The following RBM25 variants were observed in gnomAD, a reference collection of about 807,000 sequenced individuals.
RBM25 encodes the protein RNA binding motif protein 25.
Under a neutral mutation model 120.7 loss-of-function variants are expected in RBM25, and 19 were observed. The ratio of observed to expected loss-of-function variants is 0.16; its 90% CI spans 0.11 to 0.23. The LOEUF (loss-of-function observed/expected upper bound fraction) is 0.23, where lower values mean the gene tolerates loss of function less well. Among genes scored for constraint, RBM25 ranks in the 10% least tolerant of loss-of-function variants. The pLI, the probability that RBM25 is intolerant of heterozygous loss-of-function variation, is 1.00. For synonymous variants in RBM25, 390 were observed against 326.7 expected (o/e 1.19, Z -2.09); for missense variants, 605 against 1,041.5 (o/e 0.58, Z 5.77).
intron 6 of RBM25, 75 bp downstream of exon 6, chr14:73,088,236 A>G (rs1895734688): frequency 1.3e-6 from 2 of 1,543,930 alleles, no homozygotes; most frequent in Admixed American, 3.4e-5. Context: ...TTATAAATGA[A>G]TCTAATATGG....
In RBM25 at chr14:73,121,380, A is replaced by G. The variant is rs974560066; in HGVS notation, c.*1575A>G. On this transcript the variant is annotated 3_prime_UTR_variant, in exon 19 of 19. Coordinates refer to ENST00000261973, the MANE Select transcript of RBM25 (RefSeq NM_021239.3). ...GCATCATGTTGTAATTGTGTGGTGC[A>G]TACTAGAAAAGTTAAAAATATGGGC... 1.3e-5 allele frequency: 2 copies of G among 152,604 alleles called. No individual in the cohort carries two copies. Among genetic ancestry groups the G allele is most frequent in the Non-Finnish European group, 2.9e-5 (2 of 68,020 alleles). 9.5% of individuals were successfully genotyped at this position (152,604 alleles called of 1,614,324 possible).
chr14:73,103,083 T>C, intron 9 of RBM25, 109 bp from the exon 10 acceptor site: 2 of 1,515,354 alleles, frequency 1.3e-6, no homozygotes, highest in African/African-American at 1.4e-5. Context: ...TTAATATTAA[T>C]GTATCAGTGG....
intron 1 of RBM25, among the ~76,000 whole-genome samples, chr14:73,064,539 C>T (rs1347184645): frequency 3.3e-5 from 5 of 150,682 alleles, no homozygotes; most frequent in African/African-American, 1.2e-4. Context: ...GGACTACGGG[C>T]GCCTACCACC....
chr14:73,101,152 C>T (rs1896047687), intron 9 of RBM25: 1 of 151,894 alleles, frequency 6.6e-6, no homozygotes, highest in South Asian at 2.1e-4. Context: ...AATGTCTTTT[C>T]AAAATAAAAA....
intron 4 of RBM25, among the ~76,000 whole-genome samples, chr14:73,078,583 T>C (rs889814957): frequency 6.6e-6 from 1 of 152,222 alleles, no homozygotes; most frequent in Non-Finnish European, 1.5e-5. Context: ...ATAGTTGTTT[T>C]ATTTTTCATC....
intron 2 of RBM25, among the ~76,000 whole-genome samples, chr14:73,072,674 G>T: frequency 6.6e-6 from 1 of 152,182 alleles, no homozygotes; most frequent in Non-Finnish European, 1.5e-5. Context: ...CTTATGCTGG[G>T]TGTGGTGGTG....
chr14:73,111,355 A>G, intron 15 of RBM25, 173 bp from the exon 16 acceptor site: 2 of 871,266 alleles, frequency 2.3e-6, no homozygotes, highest in Non-Finnish European at 3.4e-6. Context: ...TTCTGAGAAG[A>G]AGTGAAAAGT....
intron 9 of RBM25, chr14:73,100,053 A>T (rs1896027427): frequency 2.2e-6 from 1 of 464,688 alleles, no homozygotes; most frequent in Non-Finnish European, 3.7e-6. Context: ...AATTAGATTC[A>T]GGGGGCAGCA....
At chr14:73,080,550 T>C (rs1895536757) in intron 4 of RBM25, among the ~76,000 whole-genome samples, 1 of 151,942 alleles carries the variant, frequency 6.6e-6, no homozygotes, top group Non-Finnish European at 1.5e-5. Context: ...TAACAATTGG[T>C]GTTTATTTAG....
At chr14:73,114,666 C>T (rs576688545) in intron 18 of RBM25, among the ~76,000 whole-genome samples, 58 of 152,242 alleles carry the variant, frequency 3.8e-4, no homozygotes, top group Middle Eastern at 6.8e-3. Flanking sequence ...GAGGCTGAGG[C>T]GGGTGGATCA....
At chr14:73,091,388 A>G (rs543308855) in intron 6 of RBM25, among the ~76,000 whole-genome samples, 1 of 152,072 alleles carries the variant, frequency 6.6e-6, no homozygotes, top group Admixed American at 6.6e-5. Context: ...TAAGTTTTAT[A>G]TTTTTTGTTG....
At chr14:73,088,763 T>C (rs1895743865) in intron 6 of RBM25, among the ~76,000 whole-genome samples, 1 of 152,212 alleles carries the variant, frequency 6.6e-6, no homozygotes, top group South Asian at 2.1e-4. Flanking sequence ...AAATCCAAAA[T>C]AGATTTATTA....
chr14:73,112,694 GT>G (rs1896336538), intron 17 of RBM25, among the ~76,000 whole-genome samples: 1 of 152,096 alleles, frequency 6.6e-6, no homozygotes, highest in East Asian at 1.9e-4. Context: ...GATCAAAATA[GT>G]TCCTTTCATA....
intron 6 of RBM25, 180 bp downstream of exon 6, chr14:73,088,341 GTGGATGAC>G: frequency 1.2e-6 from 1 of 807,418 alleles, no homozygotes; most frequent in Non-Finnish European, 2.0e-6. Flanking sequence ...CCCATAGTGG[GTGGATGAC>G]TGTTGGTTTG....
intron 17 of RBM25, 39 bp downstream of exon 17, chr14:73,112,289 A>G (rs764752164): frequency 6.0e-6 from 9 of 1,502,224 alleles, no homozygotes; most frequent in Middle Eastern, 4.8e-4. Flanking sequence ...CATTTATTTT[A>G]TATATTAAAA....
intron 10 of RBM25, among the ~76,000 whole-genome samples, chr14:73,104,359 T>G (rs1252724091): frequency 6.6e-6 from 1 of 151,728 alleles, no homozygotes; most frequent in Non-Finnish European, 1.5e-5. Flanking sequence ...TTAAAATTTT[T>G]TAATTATATT....
intron 7 of RBM25, among the ~76,000 whole-genome samples, chr14:73,098,233 G>A (rs1292219156): frequency 6.6e-6 from 1 of 152,214 alleles, no homozygotes; most frequent in African/African-American, 2.4e-5. Context: ...ATCCTAAAGT[G>A]ATCCTCATGT....
chr14:73,103,994 A>ACACACTCTCTCTCT (rs1339176135), intron 10 of RBM25, among the ~76,000 whole-genome samples: 1 of 99,394 alleles, frequency 1.0e-5, no homozygotes, highest in African/African-American at 3.9e-5. Context: ...ACACACACAC[A>ACACACTCTCTCTCT]CTCTCTCTCT....
At chr14:73,081,843 T>A (rs1356657315) in intron 4 of RBM25, among the ~76,000 whole-genome samples, 1 of 152,256 alleles carries the variant, frequency 6.6e-6, no homozygotes, top group Non-Finnish European at 1.5e-5. Flanking sequence ...GTGTGTGAAC[T>A]GTTTTTCCCT....
Sources: allele counts gnomAD v4.1 joint callset (sites outside exome capture counted in the v4.1 genomes callset), GRCh38; gene constraint gnomAD v4.1.1; transcripts MANE v1.5; gene names NCBI Gene and HGNC (gene_info 2026-07-23, HGNC 2026-07-21).